PLPPR1: variants seen among roughly 807,000 people sequenced by gnomAD.
The protein encoded by PLPPR1 is phospholipid phosphatase-related protein type 1.
In PLPPR1, 10 loss-of-function variants were observed where a neutral mutation model predicts 33.1. That is an observed-to-expected ratio of 0.30 (90% CI 0.19 to 0.51). The LOEUF is 0.51. Among genes scored for constraint, PLPPR1 ranks in the 20% least tolerant of loss-of-function variants. The pLI is 0.97. For synonymous variants in PLPPR1, 151 were observed against 151.0 expected (o/e 1.00, Z 0.00); for missense variants, 304 against 408.1 (o/e 0.74, Z 2.20).
At chr9:101,051,321 GTCTC>G (rs2118444554) in intron 1 of PLPPR1, among the ~76,000 whole-genome samples, 1 of 151,064 alleles carries the variant, frequency 6.6e-6, no homozygotes, top group Non-Finnish European at 1.5e-5. Context: ...CTCTCTCTCT[GTCTC>G]TCTCTTGCTA....
At chr9:101,131,195 A>T (rs1831309754) in intron 1 of PLPPR1, among the ~76,000 whole-genome samples, 1 of 152,212 alleles carries the variant, frequency 6.6e-6, no homozygotes, top group South Asian at 2.1e-4. Flanking sequence ...GCCCTGGTAC[A>T]GCATTCTGTA....
chr9:101,088,577 G>A (rs1403434406), intron 1 of PLPPR1, among the ~76,000 whole-genome samples: 4 of 151,964 alleles, frequency 2.6e-5, no homozygotes, highest in South Asian at 2.1e-4. Context: ...AAAATAAAAC[G>A]CAGAGTTTGG....
At chr9:101,146,242 G>T (rs1564157718) in intron 1 of PLPPR1, among the ~76,000 whole-genome samples, 1 of 152,136 alleles carries the variant, frequency 6.6e-6, no homozygotes. Flanking sequence ...CATAACAGAT[G>T]CTCAATAAAT....
intron 4 of PLPPR1, among the ~76,000 whole-genome samples, chr9:101,301,180 A>AT (rs918768699): frequency 2.0e-5 from 3 of 152,250 alleles, no homozygotes; most frequent in African/African-American, 4.8e-5. Flanking sequence ...AATACAGGGT[A>AT]TTTTTTTCTA....
intron 1 of PLPPR1, among the ~76,000 whole-genome samples, chr9:101,089,420 T>G (rs1201901192): frequency 6.6e-6 from 1 of 152,168 alleles, no homozygotes; most frequent in African/African-American, 2.4e-5. Flanking sequence ...TTCTCATGAT[T>G]ATATTCACTG....
At chr9:101,248,700 T>TC (rs1273358458) in intron 2 of PLPPR1, among the ~76,000 whole-genome samples, 2 of 152,060 alleles carry the variant, frequency 1.3e-5, no homozygotes, top group Admixed American at 6.6e-5. Context: ...GTTTCTCTAA[T>TC]TCAAATCTCT....
rs527884198 is a variant in PLPPR1, at chr9:101,046,435, C to CTTTTT, written c.-46+17351_-46+17355dup. 8.4e-3 allele frequency among the ~76,000 whole-genome samples: 984 copies of CTTTTT among 116,736 alleles called. 32 individuals are homozygous for CTTTTT. Among genetic ancestry groups the CTTTTT allele is most frequent in the African/African-American group, 0.029 (824 of 28,442 alleles). 76.6% of individuals were successfully genotyped at this position (116,736 alleles called of 152,430 possible). ...CCAATTTTTCTTTACCTCTTTTATT[C>CTTTTT]TTTTTTTTTTTTTTTTTTTTTTGAG... On this transcript the variant is annotated intron_variant, in intron 1 of 7. Transcript: ENST00000374874.
At chr9:101,266,326 G>A (rs1212548732) in intron 2 of PLPPR1, among the ~76,000 whole-genome samples, 4 of 150,556 alleles carry the variant, frequency 2.7e-5, no homozygotes, top group Non-Finnish European at 5.9e-5. Flanking sequence ...TACCGGGAAA[G>A]CGGAGGTTGC....
intron 1 of PLPPR1, among the ~76,000 whole-genome samples, chr9:101,117,488 C>T (rs1831130286): frequency 6.6e-6 from 1 of 152,118 alleles, no homozygotes. Flanking sequence ...GCTTCACTTC[C>T]AGAAATTGTT....
At chr9:101,308,882 C>G (rs1305387815) in intron 4 of PLPPR1, among the ~76,000 whole-genome samples, 2 of 152,104 alleles carry the variant, frequency 1.3e-5, no homozygotes, top group African/African-American at 4.8e-5. Flanking sequence ...CAAAGGTAAC[C>G]AAGATTCAAG....
At chr9:101,087,217 G>A (rs1448272742) in intron 1 of PLPPR1, among the ~76,000 whole-genome samples, 1 of 151,634 alleles carries the variant, frequency 6.6e-6, no homozygotes, top group Non-Finnish European at 1.5e-5. Flanking sequence ...AAAAAAAATT[G>A]AGATTAGATT....
intron 1 of PLPPR1, among the ~76,000 whole-genome samples, chr9:101,164,701 C>G (rs1343446357): frequency 6.6e-6 from 1 of 151,926 alleles, no homozygotes; most frequent in Non-Finnish European, 1.5e-5. Context: ...TCCCGTGATC[C>G]TTACATTTTG....
rs1205898205 is a variant in PLPPR1, at chr9:101,163,304, A to G, written c.-45-22146A>G. Among the ~76,000 whole-genome samples the G allele has an allele frequency of 2.0e-5, 3 of 152,228 alleles. No homozygotes were observed. In the East Asian group the frequency reaches 5.8e-4, roughly 29 times the overall value. On this transcript the variant is annotated intron_variant, in intron 1 of 7. Transcript: ENST00000374874. ...GTAAGAACTACAAATGCTGAGGGTA[A>G]GAACTTTCATTCAACAAATGTTTAT...
intron 2 of PLPPR1, among the ~76,000 whole-genome samples, chr9:101,264,011 C>T (rs984379964): frequency 6.6e-6 from 1 of 152,102 alleles, no homozygotes; most frequent in Non-Finnish European, 1.5e-5. Flanking sequence ...TTCTAAGGCT[C>T]CCCAGTGAGG....
Position 101,167,701 on chromosome 9 carries a change from C to T in PLPPR1, c.-45-17749C>T, listed in dbSNP as rs559860475. ...TGACTTTAATAACATAACAAATGTC[C>T]CTTTTAAGCCACTTCAGAGAATCCC... On this transcript the variant is annotated intron_variant, in intron 1 of 7. Coordinates refer to ENST00000374874, the MANE Select transcript of PLPPR1 (RefSeq NM_207299.2). 5.3e-5 allele frequency among the ~76,000 whole-genome samples: 8 copies of T among 152,124 alleles called. No individual in the cohort carries two copies. The South Asian group carries it at 1.7e-3, about 32-fold the overall frequency.
At chr9:101,315,762 T>C (rs937007002) in intron 6 of PLPPR1, among the ~76,000 whole-genome samples, 1 of 152,148 alleles carries the variant, frequency 6.6e-6, no homozygotes, top group Non-Finnish European at 1.5e-5. Flanking sequence ...GGGAAGGATG[T>C]CCTGGAGGAG....
intron 2 of PLPPR1, among the ~76,000 whole-genome samples, chr9:101,189,709 T>C (rs181708581): frequency 1.7e-3 from 256 of 152,288 alleles, no homozygotes; most frequent in Middle Eastern, 3.4e-3. Flanking sequence ...TCTATGTGTA[T>C]CTTCTCATTC....
At chr9:101,080,743 C>G (rs927106693) in intron 1 of PLPPR1, among the ~76,000 whole-genome samples, 12 of 152,154 alleles carry the variant, frequency 7.9e-5, no homozygotes, top group Admixed American at 2.6e-4. Flanking sequence ...TTTGTAAATG[C>G]TCTATAATTC....
intron 1 of PLPPR1, chr9:101,131,731 T>C (rs1831316616): frequency 6.6e-6 from 1 of 152,218 alleles, no homozygotes; most frequent in Non-Finnish European, 1.5e-5. Context: ...AAGGAAGAAT[T>C]AAATTCTAGA....
Sources: allele counts gnomAD v4.1 joint callset (sites outside exome capture counted in the v4.1 genomes callset), GRCh38; gene constraint gnomAD v4.1.1; transcripts MANE v1.5; gene names NCBI Gene and HGNC (gene_info 2026-07-23, HGNC 2026-07-21).